OR10J1: variants seen among roughly 807,000 people sequenced by gnomAD.
The protein encoded by OR10J1 is olfactory receptor family 10 subfamily J member 1, also known as olfactory receptor 10J1.
For missense variants in OR10J1, 474 were observed against 376.6 expected (o/e 1.26, Z -2.14); for synonymous variants, 202 against 143.8 (o/e 1.40, Z -2.89).
chr1:159,438,868 G>A (rs915862620), upstream of OR10J1, among the ~76,000 whole-genome samples: 1 of 152,096 alleles, frequency 6.6e-6, no homozygotes, highest in East Asian at 1.9e-4. Flanking sequence ...ATGTATCTTT[G>A]GTGTAGCTGT....
chr1:159,428,362 A>G, the OR10J1 span, among the ~76,000 whole-genome samples: 145 of 152,298 alleles, frequency 9.5e-4, 2 homozygotes, highest in African/African-American at 2.2e-3. Flanking sequence ...TAAACACACA[A>G]TAAAACTTAT....
In OR10J1 at chr1:159,439,964, C is replaced by T. The variant is rs368727978; in HGVS notation, c.173C>T (p.Pro58Leu). The T allele has an allele frequency of 6.2e-7, 1 of 1,614,084 alleles. No homozygotes were observed. The highest frequency in any genetic ancestry group is 8.5e-7 in the Non-Finnish European group (1 of 1,180,012). Reference sequence around the variant, plus strand: ...CGAATGGATCTTCATCTTCACACACCCATGTACTTCTTCCTGAGCATGCTG... The same window carrying T: ...CGAATGGATCTTCATCTTCACACACTCATGTACTTCTTCCTGAGCATGCTG... Reference protein sequence around the residue: ...IIRMDLHLHTPMYFFLSMLST... With the variant: ...IIRMDLHLHTLMYFFLSMLST... The change falls in exon 1 of 1, where the codon CCC becomes CTC. Residue 58 changes from proline (P) to leucine (L), a missense_variant. By Grantham distance (98) the Pro-to-Leu change is moderately conservative. Transcript: ENST00000423932.
the OR10J1 span, among the ~76,000 whole-genome samples, chr1:159,430,666 T>TGTGTGTGTGTGTGTGC: frequency 5.6e-5 from 4 of 71,898 alleles, no homozygotes; most frequent in Non-Finnish European, 1.1e-4. Flanking sequence ...TGTGTGTGTG[T>TGTGTGTGTGTGTGTGC]GTGCGCGCGC....
At chr1:159,435,203 C>T (rs1251341889), upstream of OR10J1, among the ~76,000 whole-genome samples, 1 of 152,122 alleles carries the variant, frequency 6.6e-6, no homozygotes, top group Non-Finnish European at 1.5e-5. Flanking sequence ...CCACTAAGAG[C>T]ACCTGTCTGC....
chr1:159,413,216 T>C, the OR10J1 span, among the ~76,000 whole-genome samples: 51 of 152,000 alleles, frequency 3.4e-4, no homozygotes, highest in African/African-American at 1.2e-3. Flanking sequence ...TATGGAGAAA[T>C]AGGAACACTT....
chr1:159,423,971 G>A, the OR10J1 span, among the ~76,000 whole-genome samples: 9 of 152,076 alleles, frequency 5.9e-5, no homozygotes, highest in African/African-American at 2.2e-4. Context: ...AATCCCAGCA[G>A]TTTGGGAGGC....
chr1:159,430,668 T>TGCGCGC, the OR10J1 span, among the ~76,000 whole-genome samples: 1,304 of 69,710 alleles, frequency 0.019, 23 homozygotes, highest in African/African-American at 0.037. Flanking sequence ...TGTGTGTGTG[T>TGCGCGC]GCGCGCGCGC....
the OR10J1 span, among the ~76,000 whole-genome samples, chr1:159,431,223 G>C: frequency 6.6e-6 from 1 of 152,116 alleles, no homozygotes; most frequent in South Asian, 2.1e-4. Context: ...CTATCCACAC[G>C]GGAGAAAAGG....
At chr1:159,411,292 G>A in the OR10J1 span, among the ~76,000 whole-genome samples, 6 of 152,154 alleles carry the variant, frequency 3.9e-5, no homozygotes, top group African/African-American at 7.2e-5. Context: ...AATGTTGACA[G>A]TGGAGTGTTA....
rs888184409 is a variant in OR10J1, at chr1:159,440,945, C to A, written c.*224C>A. On this transcript the variant is annotated 3_prime_UTR_variant, in exon 1 of 1. Transcript: ENST00000423932. ...AATAGACAAACAAGGATAAGATATG[C>A]CTAAATAAAAGGCCAGAAAGTAGTA... 1 of 461,280 alleles carries A rather than the reference C, an allele frequency of 2.2e-6. No homozygotes were observed. Among genetic ancestry groups the A allele is most frequent in the Admixed American group, 3.8e-5 (1 of 26,552 alleles). 28.6% of individuals were successfully genotyped at this position (461,280 alleles called of 1,614,324 possible).
chr1:159,426,278 T>C, the OR10J1 span, among the ~76,000 whole-genome samples: 1 of 152,012 alleles, frequency 6.6e-6, no homozygotes, highest in South Asian at 2.1e-4. Flanking sequence ...GACTGAATTT[T>C]AATAATCTAC....
upstream of OR10J1, chr1:159,433,271 T>G (rs1655637506): frequency 2.5e-6 from 1 of 396,334 alleles, no homozygotes; most frequent in African/African-American, 2.1e-5. Context: ...TCTATTCCCC[T>G]CATAGATTGA....
chr1:159,407,899 CACA>C, the OR10J1 span, among the ~76,000 whole-genome samples: 1 of 151,932 alleles, frequency 6.6e-6, no homozygotes, highest in African/African-American at 2.4e-5. Context: ...TTAAATAACT[CACA>C]ACATCAATAG....
At position 159,440,498 on chromosome 1, in the gene OR10J1, C is replaced by A; in HGVS notation, c.707C>A (p.Ala236Asp). 1 of 1,614,084 alleles carries A rather than the reference C, an allele frequency of 6.2e-7. No homozygotes were observed. Among genetic ancestry groups the A allele is most frequent in the Non-Finnish European group, 8.5e-7 (1 of 1,180,004 alleles). ...GCTTCAGTTGAGGGCCGGAAGAAGG[C>A]TTTTGCCACCTGTGCATCCCACCTC... Reference protein sequence around the residue: ...KIASVEGRKKAFATCASHLTV... With the variant: ...KIASVEGRKKDFATCASHLTV... The change falls in exon 1 of 1, where the codon GCT becomes GAT. Residue 236 changes from alanine to aspartate, a missense_variant. Ala to Asp is a moderately radical substitution (Grantham distance 126). Transcript: ENST00000423932.
rs1655876443 is a variant in OR10J1 at position 159,440,016 on chromosome 1, G to T, written c.225G>T (p.Leu75Phe). The change falls in exon 1 of 1, where the codon TTG becomes TTT. Residue 75 changes from leucine (L) to phenylalanine (F), a missense_variant. By Grantham distance (22) the Leu-to-Phe change is conservative. Transcript: ENST00000423932. ...MLSTSETVYT[L>F]VILPRMLSSL... ...CCACTTCAGAGACTGTATATACATT[G>T]GTCATTCTCCCAAGAATGCTCTCCA... 1.2e-6 allele frequency: 2 copies of T among 1,613,928 alleles called. No homozygotes were observed. Among genetic ancestry groups the T allele is most frequent in the African/African-American group, 2.7e-5 (2 of 74,880 alleles).
At chr1:159,417,962 G>A in the OR10J1 span, among the ~76,000 whole-genome samples, 1 of 152,162 alleles carries the variant, frequency 6.6e-6, no homozygotes, top group Non-Finnish European at 1.5e-5. Context: ...AAAGAGACTT[G>A]CATCATTATG....
chr1:159,440,700 TG>T lies in OR10J1; in HGVS notation c.910del (p.Val304LeufsTer56). On this transcript the variant is annotated frameshift_variant, in exon 1 of 1. Coordinates refer to ENST00000423932, the MANE Select transcript of OR10J1 (RefSeq NM_012351.3). LOFTEE classifies it high-confidence loss of function. ...KEVKDALCRA[V>X]GGKFS ...AGGTCAAAGATGCTCTGTGCAGGGC[TG>T]TTGGTGGGAAGTTTTCCTGACCATG... is the stretch of plus-strand genomic sequence containing the variant. 2 of 1,609,502 alleles carry T rather than the reference TG, an allele frequency of 1.2e-6. No homozygotes were observed. Among genetic ancestry groups the T allele is most frequent in the Non-Finnish European group, 1.7e-6 (2 of 1,176,690 alleles).
In OR10J1 at chr1:159,440,315, A is replaced by G; in HGVS notation, c.524A>G (p.His175Arg). 1 of 1,614,096 alleles carries G rather than the reference A, an allele frequency of 6.2e-7. No individual in the cohort carries two copies. The highest frequency in any genetic ancestry group is 2.2e-5 in the East Asian group (1 of 44,874). ...RLPFCARKVP[H>R]FFCDIRPVMK... ...CCCTTCTGTGCTAGAAAGGTGCCCC[A>G]CTTCTTCTGTGACATCCGCCCTGTG... Residue 175 changes from histidine to arginine, a missense_variant, in exon 1 of 1, where the codon CAC becomes CGC. By Grantham distance (29) the His-to-Arg change is conservative. Transcript: ENST00000423932.
At chr1:159,419,279 C>T in the OR10J1 span, among the ~76,000 whole-genome samples, 5 of 152,268 alleles carry the variant, frequency 3.3e-5, no homozygotes, top group East Asian at 9.7e-4. Flanking sequence ...CAAATCTTAG[C>T]TTAAATTATA....
Sources: allele counts gnomAD v4.1 joint callset (sites outside exome capture counted in the v4.1 genomes callset), GRCh38; gene constraint gnomAD v4.1.1; transcripts MANE v1.5; gene names NCBI Gene and HGNC (gene_info 2026-07-23, HGNC 2026-07-21).